The following SLC25A25 variants were observed in gnomAD, a reference collection of about 807,000 sequenced individuals.
The protein encoded by SLC25A25 is mitochondrial adenyl nucleotide antiporter SLC25A25.
In SLC25A25, 32 loss-of-function variants were observed where a neutral mutation model predicts 57.7. That is an observed-to-expected ratio of 0.55 (90% CI 0.42 to 0.74). The LOEUF (loss-of-function observed/expected upper bound fraction) is 0.74, where lower values mean the gene tolerates loss of function less well. Ranked by LOEUF, SLC25A25 falls within the 30% of genes least tolerant of loss-of-function variation. SLC25A25 has a pLI of 0.00. For synonymous variants in SLC25A25, 306 were observed against 291.2 expected (o/e 1.05, Z -0.52); for missense variants, 556 against 701.3 (o/e 0.79, Z 2.34).
intron 1 of SLC25A25, chr9:128,091,981 G>A: frequency 6.2e-7 from 1 of 1,614,004 alleles, no homozygotes; most frequent in Non-Finnish European, 8.5e-7. Flanking sequence ...CCCCTGCCTG[G>A]AGAGACCAGA....
At chr9:128,076,487 A>G (rs2130785862) in intron 1 of SLC25A25, among the ~76,000 whole-genome samples, 1 of 138,352 alleles carries the variant, frequency 7.2e-6, no homozygotes, top group East Asian at 2.1e-4. Context: ...TTTTTTTGAG[A>G]CAGAGTCTCT....
chr9:128,074,400 C>T (rs1033785612), intron 1 of SLC25A25, among the ~76,000 whole-genome samples: 2 of 151,940 alleles, frequency 1.3e-5, no homozygotes, highest in Non-Finnish European at 2.9e-5. Context: ...TACCCTGATC[C>T]TAAAACCAAG....
At chr9:128,074,414 C>G (rs775855599) in intron 1 of SLC25A25, among the ~76,000 whole-genome samples, 20 of 151,696 alleles carry the variant, frequency 1.3e-4, no homozygotes, top group Middle Eastern at 3.4e-3. Flanking sequence ...AACCAAGTAA[C>G]AAATAAGAAT....
Position 128,108,346 on chromosome 9 carries a change from C to T in SLC25A25, c.*902C>T. 2.5e-6 allele frequency: 1 copy of T among 398,216 alleles called. No individual in the cohort carries two copies. Among genetic ancestry groups the T allele is most frequent in the Non-Finnish European group, 4.4e-6 (1 of 226,010 alleles). 24.7% of individuals were successfully genotyped at this position (398,216 alleles called of 1,614,324 possible). A position where few individuals can be genotyped will look rare whatever the true frequency, so the allele number is the denominator to read the frequency against. On this transcript the variant is annotated 3_prime_UTR_variant, in exon 11 of 11. Transcript: ENST00000373069. Reference sequence around the variant, plus strand: ...GGGAAAAGGGTTTTGTCCAGAAGGACAAGCCGGACAAATGAGCGACTTCTG... The same window carrying T: ...GGGAAAAGGGTTTTGTCCAGAAGGATAAGCCGGACAAATGAGCGACTTCTG...
rs1201716747 is a variant in SLC25A25 at position 128,099,340 on chromosome 9, G to A, written c.262-1756G>A. On this transcript the variant is annotated intron_variant, in intron 1 of 10. Coordinates refer to ENST00000373069, the MANE Select transcript of SLC25A25 (RefSeq NM_001330988.2). This position sits in a 1 kb window ranked among gnomAD's most constrained non-coding sequence, Gnocchi z 6.8. ...GGAGACAGAAGGAGGCCCAGGCCCT[G>A]TGAGGCAGAAGCAAGCACTTTGAGA... 1 of 1,261,172 alleles carries A rather than the reference G, an allele frequency of 7.9e-7. No individual in the cohort carries two copies. The highest frequency in any genetic ancestry group is 5.9e-5 in the East Asian group (1 of 16,816). The allele number at this position is 1,261,172 out of a possible 1,614,324, so 78.1% of individuals were successfully genotyped here.
intron 1 of SLC25A25, among the ~76,000 whole-genome samples, chr9:128,093,783 T>C (rs1160797478): frequency 6.6e-6 from 1 of 152,236 alleles, no homozygotes; most frequent in East Asian, 1.9e-4. Flanking sequence ...GGGTTTGTGA[T>C]CACTGGCTGA....
At chr9:128,090,154 T>A (rs10819352) in intron 1 of SLC25A25, among the ~76,000 whole-genome samples, 22,579 of 152,138 alleles carry the variant, frequency 0.15, 1,778 homozygotes, top group South Asian at 0.25. Flanking sequence ...AAGCTAGGAA[T>A]AAATGGCAGC....
chr9:128,077,161 T>G (rs901628906), intron 1 of SLC25A25, among the ~76,000 whole-genome samples: 2 of 152,214 alleles, frequency 1.3e-5, no homozygotes, highest in African/African-American at 4.8e-5. Flanking sequence ...TACCTTACAG[T>G]TCCCTTAGCT....
chr9:128,084,947 A>G (rs564364255), intron 1 of SLC25A25, among the ~76,000 whole-genome samples: 2 of 152,328 alleles, frequency 1.3e-5, no homozygotes, highest in Admixed American at 1.3e-4. Context: ...TGGGTGATTC[A>G]TCCTACCCAA....
chr9:128,106,268 G>T lies in SLC25A25; in HGVS notation c.1044+11G>T. ...ATCTACCCAATGGAGGTGAGGGGCC[G>T]CCTGGGTCCTGGGGCGGGCAGTGGG... On this transcript the variant is annotated intron_variant, in intron 8 of 10. Transcript: ENST00000373069. 1 of 1,613,876 alleles carries T rather than the reference G, an allele frequency of 6.2e-7. No individual in the cohort carries two copies. Among genetic ancestry groups the T allele is most frequent in the Non-Finnish European group, 8.5e-7 (1 of 1,180,010 alleles).
chr9:128,076,727 C>G (rs967436322), intron 1 of SLC25A25, among the ~76,000 whole-genome samples: 1 of 152,108 alleles, frequency 6.6e-6, no homozygotes, highest in Non-Finnish European at 1.5e-5. Context: ...CTCAGCCTCC[C>G]GAAGTGCTGG....
rs139240119 is a variant in SLC25A25 at position 128,098,558 on chromosome 9, G to T, written c.262-2538G>T. ...GTGAGGGCAGTGGAGCACCCAGCAG[G>T]CCGCCAACATGCTCTGTCTGTGCCT... On this transcript the variant is annotated intron_variant, in intron 1 of 10. Coordinates refer to ENST00000373069, the MANE Select transcript of SLC25A25 (RefSeq NM_001330988.2). 8.1e-3 allele frequency: 12,969 copies of T among 1,608,204 alleles called. 81 individuals are homozygous for T. The highest frequency in any genetic ancestry group is 9.7e-3 in the Non-Finnish European group (11,437 of 1,175,556).
chr9:128,092,940 G>A (rs1351431185), intron 1 of SLC25A25, among the ~76,000 whole-genome samples: 1 of 152,162 alleles, frequency 6.6e-6, no homozygotes, highest in Non-Finnish European at 1.5e-5. Flanking sequence ...TTGCCACTTG[G>A]CTCAGATTTC....
At position 128,107,294 on chromosome 9, in the gene SLC25A25, C is replaced by A. The variant is rs768918046; in HGVS notation, c.1398C>A (p.Ser466Arg). 1.3e-6 allele frequency: 2 copies of A among 1,578,562 alleles called. No homozygotes were observed. The highest frequency in any genetic ancestry group is 2.3e-5 in the South Asian group (2 of 87,282). The change falls in exon 11 of 11, where the codon AGC becomes AGA. Residue 466 changes from serine (S) to arginine (R), a missense_variant. Around this residue, in one of 3 missense-constraint regions of SLC25A25, gnomAD observed 294 missense variants for 389.6 expected, o/e 0.75. Coordinates refer to ENST00000373069, the MANE Select transcript of SLC25A25 (RefSeq NM_001330988.2). ...SIEGAPEVTM[S>R]SLFKHILRTE... ...AGGGCGCTCCGGAGGTGACCATGAG[C>A]AGCCTCTTCAAACATATCCTGCGGA... is the stretch of plus-strand genomic sequence containing the variant.
chr9:128,094,047 C>T (rs1208070076), intron 1 of SLC25A25, among the ~76,000 whole-genome samples: 1 of 152,130 alleles, frequency 6.6e-6, no homozygotes, highest in Non-Finnish European at 1.5e-5. Flanking sequence ...ACTCAGGAGG[C>T]TGAGACAGGA....
At position 128,068,560 on chromosome 9, in the gene SLC25A25, C is replaced by T. The variant is rs1832832226; in HGVS notation, c.241C>T (p.Arg81Cys). 12 of 1,428,558 alleles carry T rather than the reference C, an allele frequency of 8.4e-6. No individual in the cohort carries two copies. Among genetic ancestry groups the T allele is most frequent in the Non-Finnish European group, 1.0e-5 (11 of 1,094,904 alleles). The allele number at this position is 1,428,558 out of a possible 1,614,324, so 88.5% of individuals were successfully genotyped here. ...GGGGCTGCGGCGCCTGGGACTGCAC[C>T]GCACCGAGGGCGAGCTCCAGGTAGG... is the stretch of plus-strand genomic sequence containing the variant. ...AVGLRRLGLH[R>C]TEGELQKIVQ... Residue 81 changes from arginine (R) to cysteine (C), a missense_variant, in exon 1 of 11, where the codon CGC becomes TGC. By Grantham distance (180) the Arg-to-Cys change is radical (BLOSUM62 -3). Transcript: ENST00000373069.
At chr9:128,084,229 G>A (rs1322482424) in intron 1 of SLC25A25, among the ~76,000 whole-genome samples, 4 of 151,156 alleles carry the variant, frequency 2.6e-5, no homozygotes, top group Non-Finnish European at 5.9e-5. Flanking sequence ...TGCAATTCAG[G>A]CACAACCGAC....
intron 1 of SLC25A25, among the ~76,000 whole-genome samples, chr9:128,078,416 C>T (rs958061921): frequency 2.0e-5 from 3 of 152,058 alleles, no homozygotes; most frequent in African/African-American, 7.2e-5. Flanking sequence ...ATAGCCCCAC[C>T]CCAGCAACCT....
At chr9:128,074,672 A>G (rs1353658139) in intron 1 of SLC25A25, among the ~76,000 whole-genome samples, 1 of 152,064 alleles carries the variant, frequency 6.6e-6, no homozygotes, top group African/African-American at 2.4e-5. Flanking sequence ...TCGTGCCAAC[A>G]CGGGCCTGGC....
Sources: gnomAD v4.1 joint callset for allele counts (sites outside exome capture counted in the v4.1 genomes callset) on GRCh38, gnomAD v4.1.1 for gene constraint, gnomAD v4.1.1 regional missense constraint, Gnocchi (gnomAD v3.1) non-coding constraint, MANE v1.5 for transcripts, NCBI Gene and HGNC (gene_info 2026-07-23, HGNC 2026-07-21) for gene names.